MKRN2OS: variants seen among roughly 807,000 people sequenced by gnomAD.
The protein encoded by MKRN2OS is MKRN2 opposite strand.
In MKRN2OS, 17 loss-of-function variants were observed where a neutral mutation model predicts 18.2. That is an observed-to-expected ratio of 0.93 (90% CI 0.64 to 1.40). MKRN2OS has a LOEUF of 1.40. Among genes scored for constraint, MKRN2OS ranks in the 40% most tolerant of loss-of-function variants. The pLI is 0.00. For missense variants in MKRN2OS, 337 were observed against 283.0 expected (o/e 1.19, Z -1.37); for synonymous variants, 121 against 108.5 (o/e 1.12, Z -0.72).
chr3:12,546,702 T>C (rs1483438328), upstream of MKRN2OS, among the ~76,000 whole-genome samples: 3 of 150,230 alleles, frequency 2.0e-5, no homozygotes, highest in Non-Finnish European at 4.4e-5. Flanking sequence ...CTCAGCCTCC[T>C]GAGTAGCTGG....
chr3:12,545,077 A>G (rs1028254532), intron 1 of MKRN2OS, among the ~76,000 whole-genome samples, 170 bp downstream of exon 1: 12 of 152,202 alleles, frequency 7.9e-5, no homozygotes, highest in Non-Finnish European at 1.5e-5. Flanking sequence ...TATGCACACC[A>G]TCTGTTTTTA....
At chr3:12,551,479 A>G (rs1012420619), downstream of MKRN2OS, among the ~76,000 whole-genome samples, 1 of 151,658 alleles carries the variant, frequency 6.6e-6, no homozygotes, top group Non-Finnish European at 1.5e-5. Flanking sequence ...TGGGCAACAG[A>G]GCAAGACTCC....
In MKRN2OS at chr3:12,539,868, C is replaced by A; in HGVS notation, c.*325G>T. 1 of 306,512 alleles carries A rather than the reference C, an allele frequency of 3.3e-6. No homozygotes were observed. The allele number at this position is 306,512 out of a possible 1,614,324, so 19.0% of individuals were successfully genotyped here. A position where few individuals can be genotyped will look rare whatever the true frequency, so the allele number is the denominator to read the frequency against. On this transcript the variant is annotated 3_prime_UTR_variant, in exon 4 of 4. Coordinates refer to ENST00000564146, the MANE Select transcript of MKRN2OS (RefSeq NM_001195279.2). ...TGGCACGATCTCAACTCATCCCAAC[C>A]TCCGCCTCCCGGGTTCAAGCGATTC...
At chr3:12,549,905 C>G (rs6800984), upstream of MKRN2OS, among the ~76,000 whole-genome samples, 3,931 of 152,234 alleles carry the variant, frequency 0.026, 168 homozygotes, top group African/African-American at 0.088. Flanking sequence ...GTGATGAACT[C>G]TCACCTAGTA....
Position 12,540,366 on chromosome 3 carries a change from C to T in MKRN2OS, c.499G>A (p.Glu167Lys). The part of the protein sequence containing the change: ...LTFINCVLMA[E>K]GRQQLDKGEF... ...CCCTTGTCCAGTTGCTGTCTACCTT[C>T]TGCCATCAGAACGCAGTTAATGAAC... is the stretch of plus-strand genomic sequence containing the variant. The change falls in exon 4 of 4, where the codon GAA (glutamate) becomes AAA (lysine). Residue 167 changes from glutamate to lysine, a missense_variant. Glu to Lys is a moderately conservative substitution (Grantham distance 56, BLOSUM62 1). Transcript: ENST00000564146. 6.5e-7 allele frequency: 1 copy of T among 1,536,138 alleles called. No homozygotes were observed. The highest frequency in any genetic ancestry group is 8.7e-7 in the Non-Finnish European group (1 of 1,146,908).
At position 12,540,172 on chromosome 3, in the gene MKRN2OS, C is replaced by T. The variant is rs1367260839; in HGVS notation, c.*21G>A. ...AGCAACCACCCTACCCTCCAGCGTCCAGGCTGCGCTTACATAGCTCTCAGC... is the reference window on the plus strand; with the variant it reads ...AGCAACCACCCTACCCTCCAGCGTCTAGGCTGCGCTTACATAGCTCTCAGC... On this transcript the variant is annotated 3_prime_UTR_variant, in exon 4 of 4. Coordinates refer to ENST00000564146, the MANE Select transcript of MKRN2OS (RefSeq NM_001195279.2). The T allele has an allele frequency of 2.0e-6, 3 of 1,536,012 alleles. No individual in the cohort carries two copies. The highest frequency in any genetic ancestry group is 1.7e-6 in the Non-Finnish European group (2 of 1,146,832).
At chr3:12,546,152 T>C (rs2057880853), upstream of MKRN2OS, among the ~76,000 whole-genome samples, 2 of 152,360 alleles carry the variant, frequency 1.3e-5, no homozygotes, top group East Asian at 3.9e-4. Flanking sequence ...CTTCTTGAAA[T>C]TGGAGACCTT....
In MKRN2OS at chr3:12,539,867, C is replaced by G. The variant is rs1314917335; in HGVS notation, c.*326G>C. The G allele has an allele frequency of 1.3e-5, 4 of 305,288 alleles. No homozygotes were observed. The highest frequency in any genetic ancestry group is 2.1e-5 in the African/African-American group (1 of 47,184). The allele number at this position is 305,288 out of a possible 1,614,324, so 18.9% of individuals were successfully genotyped here. On this transcript the variant is annotated 3_prime_UTR_variant, in exon 4 of 4. Coordinates refer to ENST00000564146, the MANE Select transcript of MKRN2OS (RefSeq NM_001195279.2). The stretch of plus-strand genomic sequence containing the variant: ...ATGGCACGATCTCAACTCATCCCAA[C>G]CTCCGCCTCCCGGGTTCAAGCGATT...
At chr3:12,543,573 C>T (rs1575503950) in intron 1 of MKRN2OS, among the ~76,000 whole-genome samples, 1 of 145,166 alleles carries the variant, frequency 6.9e-6, no homozygotes, top group Admixed American at 6.9e-5. Flanking sequence ...GGGGATAGAA[C>T]GAGAGTCTGT....
intron 1 of MKRN2OS, among the ~76,000 whole-genome samples, chr3:12,560,127 C>T (rs2058024228): frequency 6.6e-6 from 1 of 152,164 alleles, no homozygotes; most frequent in South Asian, 2.1e-4. Flanking sequence ...ATAATAGCAA[C>T]AAACCATTTA....
chr3:12,547,230 T>C (rs772765478), upstream of MKRN2OS, among the ~76,000 whole-genome samples: 12 of 152,222 alleles, frequency 7.9e-5, no homozygotes, highest in Non-Finnish European at 1.5e-4. Flanking sequence ...AGAAAATTAA[T>C]GGTATGTTAG....
rs1170297593 is a variant in MKRN2OS, at chr3:12,543,225, ACT to A, written c.221_222del (p.Glu74ValfsTer2). On this transcript the variant is annotated frameshift_variant and splice_region_variant, in exon 2 of 4. Transcript: ENST00000564146. LOFTEE classifies it high-confidence loss of function. ...ACATGAAGATCAGACCTTCCATCATACTCTCTGAAAGAAACAAGGTTTGTTTT... is the reference window on the plus strand; with the variant it reads ...ACATGAAGATCAGACCTTCCATCATACTCTGAAAGAAACAAGGTTTGTTTT... ...LRPTQGTFLR[E>X]YDGRSDLHVG... The A allele has an allele frequency of 1.3e-5, 20 of 1,534,106 alleles. No homozygotes were observed. The highest frequency in any genetic ancestry group is 3.9e-5 in the Admixed American group (2 of 50,702).
At chr3:12,550,950 C>T (rs1469810377), downstream of MKRN2OS, among the ~76,000 whole-genome samples, 1 of 152,152 alleles carries the variant, frequency 6.6e-6, no homozygotes, top group Non-Finnish European at 1.5e-5. Flanking sequence ...CCATTCCAGT[C>T]AAAGCTTTGG....
In MKRN2OS at chr3:12,545,314, G is replaced by A; in HGVS notation, c.151C>T (p.Pro51Ser). 6.5e-7 allele frequency: 1 copy of A among 1,536,134 alleles called. No individual in the cohort carries two copies. Among genetic ancestry groups the A allele is most frequent in the Non-Finnish European group, 8.7e-7 (1 of 1,146,896 alleles). Reference protein sequence around the residue: ...LEDAPVSIANPFTNGHQEKCS... With the variant: ...LEDAPVSIANSFTNGHQEKCS... ...TTTTCTTGATGTCCATTAGTAAATG[G>A]ATTAGCGATGCTAACAGGTGCGTCC... is the stretch of plus-strand genomic sequence containing the variant. The change falls in exon 1 of 4, where the codon CCA (proline) becomes TCA (serine). Residue 51 changes from proline to serine, a missense_variant. By Grantham distance (74) the Pro-to-Ser change is moderately conservative. Coordinates refer to ENST00000564146, the MANE Select transcript of MKRN2OS (RefSeq NM_001195279.2).
upstream of MKRN2OS, among the ~76,000 whole-genome samples, chr3:12,546,816 G>C (rs1420620129): frequency 6.6e-6 from 1 of 152,122 alleles, no homozygotes. Flanking sequence ...GACCTCAGGT[G>C]ATCCTGCTGC....
At chr3:12,549,225 G>A (rs1440292343), upstream of MKRN2OS, among the ~76,000 whole-genome samples, 1 of 152,000 alleles carries the variant, frequency 6.6e-6, no homozygotes, top group Non-Finnish European at 1.5e-5. Flanking sequence ...TTACAGAAGT[G>A]AGCCACCACA....
intron 1 of MKRN2OS, among the ~76,000 whole-genome samples, chr3:12,558,017 T>C (rs1203738757): frequency 2.6e-5 from 4 of 152,236 alleles, no homozygotes; most frequent in African/African-American, 9.6e-5. Flanking sequence ...TCCTATTGAA[T>C]TGTATGTTTG....
At chr3:12,548,473 A>AAC (rs2057904303), upstream of MKRN2OS, among the ~76,000 whole-genome samples, 3 of 32,804 alleles carry the variant, frequency 9.1e-5, no homozygotes, top group African/African-American at 1.1e-3. Flanking sequence ...AAAAAAAAAA[A>AAC]AAAAAAAAAC....
At chr3:12,543,135 T>C (rs1341553188) in intron 2 of MKRN2OS, 45 bp downstream of exon 2, 5 of 1,461,474 alleles carry the variant, frequency 3.4e-6, no homozygotes. Context: ...CTGCTTTCCT[T>C]TTGCTGGGTA....
Sources: gnomAD v4.1 joint callset for allele counts (sites outside exome capture counted in the v4.1 genomes callset) on GRCh38, gnomAD v4.1.1 for gene constraint, MANE v1.5 for transcripts, NCBI Gene and HGNC (gene_info 2026-07-23, HGNC 2026-07-21) for gene names.